CHIC2: variants seen among roughly 807,000 people sequenced by gnomAD.
CHIC2 encodes cysteine-rich hydrophobic domain-containing protein 2.
A neutral mutation model predicts 25.9 loss-of-function variants in CHIC2; 14 were observed. The observed-to-expected ratio is 0.54, with a 90% CI of 0.36 to 0.85. The LOEUF (loss-of-function observed/expected upper bound fraction) is 0.85, where lower values mean the gene tolerates loss of function less well. Ranked by LOEUF, CHIC2 falls within the 40% of genes least tolerant of loss-of-function variation. The pLI, the probability that CHIC2 is intolerant of heterozygous loss-of-function variation, is 0.01. For synonymous variants in CHIC2, 70 were observed against 72.0 expected (o/e 0.97, Z 0.14); for missense variants, 146 against 202.0 (o/e 0.72, Z 1.68).
At chr4:54,025,097 TTAATA>T (rs992514418) in intron 3 of CHIC2, among the ~76,000 whole-genome samples, 1 of 151,920 alleles carries the variant, frequency 6.6e-6, no homozygotes, top group African/African-American at 2.4e-5. Flanking sequence ...ATTTTTCTTA[TTAATA>T]TAAGAAGACA....
rs773480850 is a variant in CHIC2 at position 54,042,160 on chromosome 4, T to C, written c.330+6795A>G. On this transcript the variant is annotated intron_variant, in intron 3 of 5. Transcript: ENST00000263921. ...AATAGTTTACACCCAAGGACAGATATGTATGGCTTTTTTAAAAAGCAAGTC... is the reference window on the plus strand; with the variant it reads ...AATAGTTTACACCCAAGGACAGATACGTATGGCTTTTTTAAAAAGCAAGTC... 1.4e-4 allele frequency among the ~76,000 whole-genome samples: 21 copies of C among 152,292 alleles called. No homozygotes were observed. The Middle Eastern group carries it at 0.014, about 99-fold the overall frequency.
At chr4:54,014,224 A>C in intron 3 of CHIC2, 105 bp from the exon 4 acceptor site, 1 of 854,420 alleles carries the variant, frequency 1.2e-6, no homozygotes, top group South Asian at 1.5e-5. Flanking sequence ...ACAGTGACTG[A>C]GTATAGTGTG....
chr4:54,013,136 A>G (rs534966158), intron 5 of CHIC2, among the ~76,000 whole-genome samples: 52 of 152,252 alleles, frequency 3.4e-4, no homozygotes, highest in Admixed American at 9.8e-4. Context: ...TCCAAGCTCA[A>G]AAGAGAATTA....
chr4:54,046,151 G>A (rs1716777482), intron 3 of CHIC2, among the ~76,000 whole-genome samples: 1 of 152,076 alleles, frequency 6.6e-6, no homozygotes, highest in African/African-American at 2.4e-5. Context: ...AAATAAAAAA[G>A]GATACAAACA....
chr4:54,049,440 G>A (rs1716936735), intron 1 of CHIC2, 135 bp from the exon 2 acceptor site: 1 of 501,718 alleles, frequency 2.0e-6, no homozygotes, highest in South Asian at 4.2e-5. Flanking sequence ...ATGGAAGTTT[G>A]AGATAAAATA....
chr4:54,050,740 A>G (rs1433571763), intron 1 of CHIC2, among the ~76,000 whole-genome samples: 5 of 152,132 alleles, frequency 3.3e-5, no homozygotes, highest in African/African-American at 1.2e-4. Flanking sequence ...TATGGGCTAT[A>G]CCATATAGCC....
At chr4:54,038,852 T>A (rs1227035367) in intron 3 of CHIC2, among the ~76,000 whole-genome samples, 1 of 151,886 alleles carries the variant, frequency 6.6e-6, no homozygotes, top group Non-Finnish European at 1.5e-5. Flanking sequence ...CAAGACCCTG[T>A]CTCCTTTTTA....
intron 3 of CHIC2, among the ~76,000 whole-genome samples, chr4:54,035,815 T>G (rs1426991046): frequency 6.6e-6 from 1 of 152,216 alleles, no homozygotes; most frequent in Non-Finnish European, 1.5e-5. Context: ...ATTTGAGGCT[T>G]TCTAGTGTAG....
In CHIC2 at chr4:54,035,924, T is replaced by C. The variant is rs539053002; in HGVS notation, c.330+13031A>G. On this transcript the variant is annotated intron_variant, in intron 3 of 5. Transcript: ENST00000263921. Reference sequence around the variant, plus strand: ...TTAATCTTCATTTAATTCATTCTGCTTTTAAATTTCCCTTTTGATTTCTTT... The same window carrying C: ...TTAATCTTCATTTAATTCATTCTGCCTTTAAATTTCCCTTTTGATTTCTTT... 3.9e-5 allele frequency among the ~76,000 whole-genome samples: 6 copies of C among 152,362 alleles called. No individual in the cohort carries two copies. In the South Asian group the frequency reaches 1.2e-3, roughly 32 times the overall value.
At position 54,010,101 on chromosome 4, in the gene CHIC2, T is replaced by C. The variant is rs148353233; in HGVS notation, c.492A>G (p.Pro164=). 6.2e-7 allele frequency: 1 copy of C among 1,602,432 alleles called. No individual in the cohort carries two copies. Among genetic ancestry groups the C allele is most frequent in the Non-Finnish European group, 8.5e-7 (1 of 1,170,122 alleles). ...EFLPKTPIFR[P]D ...TCTATAAATAAAGTAAATGCTAATC[T>C]GGTCGAAAAATCGGTGTCTTTGGTA... Residue 164 remains proline (P), a synonymous_variant, in exon 6 of 6, where the codon CCA becomes CCG. Coordinates refer to ENST00000263921, the MANE Select transcript of CHIC2 (RefSeq NM_012110.4).
chr4:54,083,108 C>T, the CHIC2 span, among the ~76,000 whole-genome samples: 33 of 148,928 alleles, frequency 2.2e-4, no homozygotes, highest in East Asian at 1.8e-3. Context: ...CTCTGCCTCC[C>T]GGGTTTAAGC....
At chr4:54,075,486 G>A in the CHIC2 span, among the ~76,000 whole-genome samples, 1 of 152,106 alleles carries the variant, frequency 6.6e-6, no homozygotes, top group Admixed American at 6.5e-5. Context: ...GTAAAGGAAT[G>A]CAATATCTTT....
chr4:54,044,408 ACTC>A (rs1716702299), intron 3 of CHIC2, among the ~76,000 whole-genome samples: 2 of 152,074 alleles, frequency 1.3e-5, no homozygotes, highest in African/African-American at 4.8e-5. Context: ...GCAGTAAAGC[ACTC>A]CTCAGCAAAT....
chr4:54,081,488 ATATTC>A, the CHIC2 span, among the ~76,000 whole-genome samples: 7 of 152,152 alleles, frequency 4.6e-5, no homozygotes, highest in African/African-American at 1.7e-4. Context: ...ATGTAGTCAA[ATATTC>A]TATTCTACTT....
the CHIC2 span, chr4:54,086,852 T>A: frequency 5.5e-6 from 3 of 544,764 alleles, no homozygotes; most frequent in East Asian, 1.1e-4. Context: ...GCAAGATCTA[T>A]AAGAGTCCTT....
chr4:54,063,903 C>G (rs1416116687), intron 1 of CHIC2, among the ~76,000 whole-genome samples: 1 of 152,180 alleles, frequency 6.6e-6, no homozygotes, highest in Non-Finnish European at 1.5e-5. Context: ...AAGGGTGGCC[C>G]GCAGGGCAGA....
chr4:54,020,829 A>C lies in CHIC2; in HGVS notation c.331-6710T>G, dbSNP rs141817205. Among the ~76,000 whole-genome samples, 1,235 of 152,288 alleles carry C rather than the reference A, an allele frequency of 8.1e-3. 24 individuals are homozygous for C. Among genetic ancestry groups the C allele is most frequent in the African/African-American group, 0.028 (1,180 of 41,566 alleles). ...GGAAGACAGCCTTCCCTTGGTGTTT[A>C]ATCATTGCAGAGACGCCTGCCTGAT... On this transcript the variant is annotated intron_variant, in intron 3 of 5. Transcript: ENST00000263921.
At chr4:54,086,913 TA>T in the CHIC2 span, 2 of 628,704 alleles carry the variant, frequency 3.2e-6, no homozygotes, top group East Asian at 5.9e-5. Context: ...TTGGTTGGAA[TA>T]AAAAGGGTTG....
At chr4:54,011,458 T>C (rs928339415) in intron 5 of CHIC2, among the ~76,000 whole-genome samples, 2 of 152,150 alleles carry the variant, frequency 1.3e-5, no homozygotes, top group Non-Finnish European at 2.9e-5. Context: ...GTTTCTTATC[T>C]ATAAAATAAA....
Sources: allele counts gnomAD v4.1 joint callset (sites outside exome capture counted in the v4.1 genomes callset), GRCh38; gene constraint gnomAD v4.1.1; transcripts MANE v1.5; gene names NCBI Gene and HGNC (gene_info 2026-07-23, HGNC 2026-07-21).